The following RORA variants were observed in gnomAD, a reference collection of about 807,000 sequenced individuals.
RORA encodes RAR related orphan receptor A.
RORA carries 7 observed loss-of-function variants against 69.5 expected under a neutral mutation model. The ratio of observed to expected loss-of-function variants is 0.10; its 90% CI spans 0.06 to 0.19. RORA has a LOEUF of 0.19. Ranked by LOEUF, RORA falls within the 10% of genes least tolerant of loss-of-function variation. The pLI is 1.00. For synonymous variants in RORA, 261 were observed against 240.8 expected, an observed-to-expected ratio of 1.08 and a Z score of -0.78; for missense variants, 457 against 663.0, an observed-to-expected ratio of 0.69 and a Z score of 3.41.
chr15:60,720,067 T>G (rs1045960705), intron 1 of RORA, among the ~76,000 whole-genome samples: 33 of 152,164 alleles, frequency 2.2e-4, no homozygotes, highest in Non-Finnish European at 4.1e-4. Flanking sequence ...AGGCGGCATT[T>G]TGAAGACGGA....
intron 1 of RORA, among the ~76,000 whole-genome samples, chr15:60,689,923 C>T (rs1014710133): frequency 6.6e-6 from 1 of 152,158 alleles, no homozygotes; most frequent in African/African-American, 2.4e-5. Flanking sequence ...TTTGGGACTT[C>T]TAGCATCCAG....
chr15:61,102,127 C>A (rs886184207), intron 1 of RORA, among the ~76,000 whole-genome samples: 1 of 152,124 alleles, frequency 6.6e-6, no homozygotes, highest in Non-Finnish European at 1.5e-5. Context: ...GTTCTGCACC[C>A]CGGCCCGTGT....
chr15:60,895,474 C>T (rs567854013), intron 1 of RORA, among the ~76,000 whole-genome samples: 3 of 152,122 alleles, frequency 2.0e-5, no homozygotes, highest in Non-Finnish European at 2.9e-5. Context: ...CTAAATCCTC[C>T]GTCAGAGAGA....
At chr15:60,842,793 C>T (rs1205529879) in intron 1 of RORA, among the ~76,000 whole-genome samples, 1 of 151,912 alleles carries the variant, frequency 6.6e-6, no homozygotes, top group Non-Finnish European at 1.5e-5. Flanking sequence ...GTCCTCAATC[C>T]ATATGAGCTG....
chr15:60,854,651 C>G (rs2073361661), intron 1 of RORA, among the ~76,000 whole-genome samples: 1 of 152,130 alleles, frequency 6.6e-6, no homozygotes, highest in Admixed American at 6.5e-5. Context: ...AGCTTCCTAG[C>G]AACAGAAATA....
At chr15:61,137,716 T>C (rs1386606638) in intron 1 of RORA, among the ~76,000 whole-genome samples, 1 of 152,232 alleles carries the variant, frequency 6.6e-6, no homozygotes, top group African/African-American at 2.4e-5. Context: ...CCACTCTTGC[T>C]GAACAATCAA....
intron 1 of RORA, among the ~76,000 whole-genome samples, chr15:60,928,223 T>C (rs895505032): frequency 6.6e-6 from 1 of 152,192 alleles, no homozygotes; most frequent in Non-Finnish European, 1.5e-5. Flanking sequence ...TTTTGCAACA[T>C]ATTCATGGAC....
Position 60,834,880 on chromosome 15 carries a change from G to A in RORA, c.167-156194C>T, listed in dbSNP as rs548203373. ...CACTGCAATAGTATATTTTCCTTCA[G>A]GACCCTCATCTTCGCAGGATTTTTT... On this transcript the variant is annotated intron_variant, in intron 1 of 10. Coordinates refer to ENST00000335670, the MANE Select transcript of RORA (RefSeq NM_134261.3). Among the ~76,000 whole-genome samples, 15 of 151,932 alleles carry A rather than the reference G, an allele frequency of 9.9e-5. No homozygotes were observed. In the East Asian group the frequency reaches 2.9e-3, roughly 29 times the overall value.
intron 2 of RORA, among the ~76,000 whole-genome samples, chr15:60,632,969 C>T (rs1388160195): frequency 2.0e-5 from 3 of 152,138 alleles, no homozygotes; most frequent in East Asian, 3.8e-4. Context: ...TAAAAAAACC[C>T]CACAGCTACC....
chr15:60,592,036 C>T (rs1047498281), intron 2 of RORA, among the ~76,000 whole-genome samples: 1 of 151,998 alleles, frequency 6.6e-6, no homozygotes, highest in African/African-American at 2.4e-5. Flanking sequence ...TTCCTCTGAA[C>T]TCCGCAGACC....
intron 1 of RORA, among the ~76,000 whole-genome samples, chr15:60,908,144 G>T (rs1020644137): frequency 6.6e-6 from 1 of 152,202 alleles, no homozygotes; most frequent in Admixed American, 6.5e-5. Context: ...TTAGTTTATA[G>T]TTGATCCATG....
rs779556390 is a variant in RORA, at chr15:60,614,883, A to T, written c.196+63774T>A. On this transcript the variant is annotated intron_variant, in intron 2 of 10. Coordinates refer to ENST00000335670, the MANE Select transcript of RORA (RefSeq NM_134261.3). The stretch of plus-strand genomic sequence containing the variant: ...GCTGCCTGGAGCATAGTAAGCTCTC[A>T]AATAACGCACCTTTTCTCAATGCAG... 6.8e-6 allele frequency: 11 copies of T among 1,608,638 alleles called. No individual in the cohort carries two copies. The Admixed American group carries it at 1.2e-4, about 17-fold the overall frequency.
At chr15:60,848,504 T>A (rs930833086) in intron 1 of RORA, 17 of 152,276 alleles carry the variant, frequency 1.1e-4, no homozygotes, top group African/African-American at 4.1e-4. Flanking sequence ...CAAGATACGA[T>A]TCTTCCCTGA....
intron 1 of RORA, among the ~76,000 whole-genome samples, chr15:61,154,843 C>G (rs2079428798): frequency 6.6e-6 from 1 of 152,026 alleles, no homozygotes; most frequent in Admixed American, 6.6e-5. Flanking sequence ...TCGGCTGGCT[C>G]AAGAATAGAG....
intron 1 of RORA, among the ~76,000 whole-genome samples, chr15:60,713,820 C>T (rs2071179482): frequency 6.6e-6 from 1 of 152,202 alleles, no homozygotes; most frequent in Admixed American, 6.5e-5. Flanking sequence ...CTACTATCAT[C>T]ATTTTAATTT....
At chr15:60,782,242 A>G (rs940183836) in intron 1 of RORA, among the ~76,000 whole-genome samples, 1 of 152,180 alleles carries the variant, frequency 6.6e-6, no homozygotes, top group South Asian at 2.1e-4. Context: ...AAGAAAAAAA[A>G]AGAAATGCCC....
In RORA at chr15:60,678,666, T is replaced by G. The variant is rs772041505; in HGVS notation, c.187A>C (p.Thr63Pro). ...AAAATGCATTACTTACATGTATGTG[T>G]CTTCTTCGTTACTGAGATACCTGGA... is the stretch of plus-strand genomic sequence containing the variant. ...TSRGISVTKKTHTSQIEIIPC... is the reference protein window; with the variant it reads ...TSRGISVTKKPHTSQIEIIPC... Residue 63 changes from threonine to proline, a missense_variant, in exon 2 of 11, where the codon ACA becomes CCA. Coordinates refer to ENST00000335670, the MANE Select transcript of RORA (RefSeq NM_134261.3). 6.2e-7 allele frequency: 1 copy of G among 1,612,368 alleles called. No homozygotes were observed. The highest frequency in any genetic ancestry group is 8.5e-7 in the Non-Finnish European group (1 of 1,178,412).
chr15:60,509,121 T>A (rs1310373479), intron 5 of RORA, among the ~76,000 whole-genome samples: 1 of 152,184 alleles, frequency 6.6e-6, no homozygotes, highest in East Asian at 1.9e-4. Context: ...TAGCAGGCTT[T>A]AAGCCCCAAA....
chr15:61,017,710 A>G (rs184414011), intron 1 of RORA, among the ~76,000 whole-genome samples: 139 of 152,304 alleles, frequency 9.1e-4, no homozygotes, highest in African/African-American at 3.2e-3. Context: ...GAGCCCCCCA[A>G]AAAGGCAAAA....
Sources: allele counts gnomAD v4.1 joint callset (sites outside exome capture counted in the v4.1 genomes callset), GRCh38; gene constraint gnomAD v4.1.1; transcripts MANE v1.5; gene names NCBI Gene and HGNC (gene_info 2026-07-23, HGNC 2026-07-21).